The following BCAS3 variants were observed in gnomAD, a reference collection of about 807,000 sequenced individuals.
BCAS3 encodes the protein BCAS4/BCAS3 fusion.
A neutral mutation model predicts 116.1 loss-of-function variants in BCAS3; 53 were observed. The observed-to-expected ratio is 0.46, with a 90% CI of 0.37 to 0.57. The LOEUF is 0.57. Ranked by LOEUF, BCAS3 falls within the 20% of genes least tolerant of loss-of-function variation. BCAS3 has a pLI of 0.00. For synonymous variants in BCAS3, 391 were observed against 408.2 expected, an observed-to-expected ratio of 0.96 and a Z score of 0.51; for missense variants, 917 against 1,165.4, an observed-to-expected ratio of 0.79 and a Z score of 3.10.
At chr17:61,001,750 A>C (rs1479733765) in intron 15 of BCAS3, among the ~76,000 whole-genome samples, 1 of 152,026 alleles carries the variant, frequency 6.6e-6, no homozygotes, top group South Asian at 2.1e-4. Flanking sequence ...TTTGTTTTTC[A>C]TTTGTTATTT....
At position 60,734,899 on chromosome 17, in the gene BCAS3, A is replaced by G. The variant is rs1333938183; in HGVS notation, c.322-12299A>G. Among the ~76,000 whole-genome samples the G allele has an allele frequency of 2.6e-5, 4 of 152,230 alleles. No homozygotes were observed. In the East Asian group the frequency reaches 7.7e-4, roughly 29 times the overall value. ...TTTTGATTGGGATTACATTGAATGT[A>G]TACATTAAGTTGGAAAGAACTGACA... is the stretch of plus-strand genomic sequence containing the variant. On this transcript the variant is annotated intron_variant, in intron 5 of 23. Transcript: ENST00000407086.
rs1369233299 is a variant in BCAS3, at chr17:61,309,818, G to C, written c.2426-58509G>C. Among the ~76,000 whole-genome samples the C allele has an allele frequency of 6.6e-6, 1 of 152,174 alleles. No homozygotes were observed. The highest frequency in any genetic ancestry group is 2.1e-4 in the South Asian group (1 of 4,832). On this transcript the variant is annotated intron_variant, in intron 22 of 23. Coordinates refer to ENST00000407086, the MANE Select transcript of BCAS3 (RefSeq NM_017679.5). The surrounding 1 kb of genome is among the most constrained non-coding windows in gnomAD (Gnocchi z 4.6). ...GAGCCCGAGAGCCCCCCATGAATCTGTCTGCACCCTTGTGAGAAGAAGCCC... is the reference window on the plus strand; with the variant it reads ...GAGCCCGAGAGCCCCCCATGAATCTCTCTGCACCCTTGTGAGAAGAAGCCC...
At chr17:60,724,553 C>T (rs370462035) in intron 5 of BCAS3, among the ~76,000 whole-genome samples, 16 of 151,750 alleles carry the variant, frequency 1.1e-4, no homozygotes, top group South Asian at 4.2e-4. Context: ...GGTGAAACCC[C>T]GTCTCTACTA....
chr17:60,679,593 C>A, intron 2 of BCAS3, 53 bp downstream of exon 2: 1 of 1,419,616 alleles, frequency 7.0e-7, no homozygotes, highest in Non-Finnish European at 9.9e-7. Flanking sequence ...ACTCAGAATA[C>A]TAACATTTAG....
At chr17:60,715,372 A>T (rs573671347) in intron 5 of BCAS3, among the ~76,000 whole-genome samples, 1 of 151,928 alleles carries the variant, frequency 6.6e-6, no homozygotes, top group Non-Finnish European at 1.5e-5. Flanking sequence ...CCTGACTTCA[A>T]GTGATCTGCC....
In BCAS3 at chr17:61,366,980, A is replaced by G. The variant is rs1169643823; in HGVS notation, c.2426-1347A>G. On this transcript the variant is annotated intron_variant, in intron 22 of 23. Coordinates refer to ENST00000407086, the MANE Select transcript of BCAS3 (RefSeq NM_017679.5). This position sits in a 1 kb window ranked among gnomAD's most constrained non-coding sequence, Gnocchi z 4.5. ...GCTGTCGGAGTGTTTACTAACGGTTATCACCTCAATGCTGTGGCCATTATC... is the reference window on the plus strand; with the variant it reads ...GCTGTCGGAGTGTTTACTAACGGTTGTCACCTCAATGCTGTGGCCATTATC... Among the ~76,000 whole-genome samples, 5 of 152,192 alleles carry G rather than the reference A, an allele frequency of 3.3e-5. No individual in the cohort carries two copies. The highest frequency in any genetic ancestry group is 7.3e-5 in the Non-Finnish European group (5 of 68,032).
intron 20 of BCAS3, 68 bp from the exon 21 acceptor site, chr17:61,078,265 G>A: frequency 7.8e-7 from 1 of 1,280,408 alleles, no homozygotes; most frequent in Non-Finnish European, 1.1e-6. Context: ...GAGGAAGAAT[G>A]GGGGATTGTG....
chr17:60,679,667 A>G (rs2143783691), intron 2 of BCAS3, 127 bp downstream of exon 2: 1 of 734,748 alleles, frequency 1.4e-6, no homozygotes, highest in Non-Finnish European at 2.3e-6. Flanking sequence ...TATGGGATGA[A>G]TAATAATAAT....
At chr17:61,018,462 C>T (rs2065635946) in intron 16 of BCAS3, among the ~76,000 whole-genome samples, 1 of 151,760 alleles carries the variant, frequency 6.6e-6, no homozygotes, top group Non-Finnish European at 1.5e-5. Context: ...CCACCACACC[C>T]AGCTAATTTT....
intron 7 of BCAS3, among the ~76,000 whole-genome samples, chr17:60,830,275 C>T (rs549970775): frequency 2.2e-4 from 33 of 152,328 alleles, no homozygotes; most frequent in Admixed American, 2.2e-3. Context: ...AGGCGTGAGC[C>T]ACTGCGCCCA....
chr17:60,783,847 T>G (rs939526532), intron 6 of BCAS3, among the ~76,000 whole-genome samples: 1 of 152,208 alleles, frequency 6.6e-6, no homozygotes, highest in Non-Finnish European at 1.5e-5. Flanking sequence ...CAGGTTTGAT[T>G]TGAGACTCTT....
At position 60,689,676 on chromosome 17, in the gene BCAS3, T is replaced by C. The variant is rs764284417; in HGVS notation, c.139-10T>C. 1 of 1,573,474 alleles carries C rather than the reference T, an allele frequency of 6.4e-7. No homozygotes were observed. Among genetic ancestry groups the C allele is most frequent in the African/African-American group, 1.4e-5 (1 of 73,654 alleles). On this transcript the variant is annotated splice_polypyrimidine_tract_variant and intron_variant, in intron 3 of 23. Coordinates refer to ENST00000407086, the MANE Select transcript of BCAS3 (RefSeq NM_017679.5). ...ATATGTTTATTCAAATGTTTCTGTT[T>C]ACTATGCAGGCTTACAGTGGAACAC... is the stretch of plus-strand genomic sequence containing the variant.
At chr17:61,192,480 A>G (rs563627580) in intron 22 of BCAS3, among the ~76,000 whole-genome samples, 2 of 152,268 alleles carry the variant, frequency 1.3e-5, no homozygotes, top group South Asian at 2.1e-4. Flanking sequence ...TTAAAAGGCT[A>G]GCTGAGAGAA....
At chr17:61,062,906 C>T (rs920216728) in intron 19 of BCAS3, among the ~76,000 whole-genome samples, 2 of 152,084 alleles carry the variant, frequency 1.3e-5, no homozygotes, top group Non-Finnish European at 2.9e-5. Context: ...CTCATGATTT[C>T]CCATCAACAC....
chr17:61,183,961 G>A lies in BCAS3; in HGVS notation c.2425+99397G>A, dbSNP rs150602033. 5.0e-3 allele frequency among the ~76,000 whole-genome samples: 768 copies of A among 152,306 alleles called. 4 individuals are homozygous for A. Among genetic ancestry groups the A allele is most frequent in the African/African-American group, 0.017 (713 of 41,588 alleles). ...AGGCAAGGTATGGTCTGCAAATGCA[G>A]AAGAATTTTTAAAGTACCAGCTTAA... On this transcript the variant is annotated intron_variant, in intron 22 of 23. Transcript: ENST00000407086.
intron 22 of BCAS3, among the ~76,000 whole-genome samples, chr17:61,299,797 G>A (rs1048582223): frequency 2.0e-5 from 3 of 152,208 alleles, no homozygotes; most frequent in Non-Finnish European, 2.9e-5. Flanking sequence ...GCGGGTCCTA[G>A]GACAGGGAGT....
At chr17:60,970,887 T>C (rs1427148851) in intron 14 of BCAS3, among the ~76,000 whole-genome samples, 1 of 152,242 alleles carries the variant, frequency 6.6e-6, no homozygotes, top group Non-Finnish European at 1.5e-5. Context: ...TACATTGGCC[T>C]ATTAGATAAC....
chr17:60,880,399 C>T (rs998653820), intron 9 of BCAS3, among the ~76,000 whole-genome samples: 2 of 152,136 alleles, frequency 1.3e-5, no homozygotes, highest in African/African-American at 4.8e-5. Context: ...AGTGATTCTC[C>T]TGCCTCAGCC....
At chr17:61,357,386 C>T (rs1271661474) in intron 22 of BCAS3, among the ~76,000 whole-genome samples, 1 of 149,598 alleles carries the variant, frequency 6.7e-6, no homozygotes, top group Non-Finnish European at 1.5e-5. Context: ...GCTATGATTG[C>T]ACCACTGCAC....
Sources: gnomAD v4.1 joint callset for allele counts (sites outside exome capture counted in the v4.1 genomes callset) on GRCh38, gnomAD v4.1.1 for gene constraint, Gnocchi (gnomAD v3.1) non-coding constraint, MANE v1.5 for transcripts, NCBI Gene and HGNC (gene_info 2026-07-23, HGNC 2026-07-21) for gene names.